NTM: variants seen among roughly 807,000 people sequenced by gnomAD.
NTM encodes IgLON family member 2.
A neutral mutation model predicts 42.1 loss-of-function variants in NTM; 13 were observed. That is an observed-to-expected ratio of 0.31 (90% CI 0.20 to 0.49). NTM has a LOEUF of 0.49. Among genes scored for constraint, NTM ranks in the 20% least tolerant of loss-of-function variants. The pLI is 0.99. For synonymous variants in NTM, 187 were observed against 179.2 expected (o/e 1.04, Z -0.35); for missense variants, 373 against 452.8 (o/e 0.82, Z 1.60).
chr11:132,334,336 A>G (rs1166459726), intron 8 of NTM, among the ~76,000 whole-genome samples: 1 of 152,174 alleles, frequency 6.6e-6, no homozygotes, highest in African/African-American at 2.4e-5. Context: ...ATTGATCTCC[A>G]GTTACATCCA....
chr11:131,855,748 C>T (rs1592299779), intron 1 of NTM, among the ~76,000 whole-genome samples: 2 of 152,092 alleles, frequency 1.3e-5, no homozygotes, highest in Admixed American at 6.6e-5. Context: ...TTACATTGCT[C>T]TTCGGATCCT....
intron 6 of NTM, among the ~76,000 whole-genome samples, chr11:132,313,635 C>T (rs1203364745): frequency 1.3e-5 from 2 of 152,168 alleles, no homozygotes; most frequent in Admixed American, 6.6e-5. Context: ...TATCCATGAT[C>T]GCCATAGGAA....
intron 2 of NTM, among the ~76,000 whole-genome samples, chr11:132,059,455 C>A (rs2080259041): frequency 6.6e-6 from 1 of 152,252 alleles, no homozygotes; most frequent in Non-Finnish European, 1.5e-5. Context: ...GCCTTAGGGA[C>A]TGTCTGTTGA....
At chr11:131,811,024 A>G (rs2092709450) in intron 1 of NTM, among the ~76,000 whole-genome samples, 1 of 152,262 alleles carries the variant, frequency 6.6e-6, no homozygotes, top group Admixed American at 6.5e-5. Context: ...TTAAAAAATC[A>G]GAACAGATTC....
chr11:132,012,354 A>C (rs2072396056), intron 2 of NTM, among the ~76,000 whole-genome samples: 1 of 152,226 alleles, frequency 6.6e-6, no homozygotes, highest in Non-Finnish European at 1.5e-5. Context: ...CTGTCTTGTC[A>C]TTCCCACTGT....
chr11:132,110,620 T>G (rs964057059), intron 2 of NTM, among the ~76,000 whole-genome samples: 7 of 152,196 alleles, frequency 4.6e-5, no homozygotes, highest in African/African-American at 1.4e-4. Context: ...TATTTGAAAA[T>G]TACATTAAAA....
chr11:132,246,084 C>T (rs1454939158), intron 4 of NTM, among the ~76,000 whole-genome samples: 1 of 152,192 alleles, frequency 6.6e-6, no homozygotes, highest in African/African-American at 2.4e-5. Context: ...GTCTCCTTGC[C>T]TTGGGCCCAC....
At chr11:132,196,500 T>C (rs2080237688) in intron 3 of NTM, among the ~76,000 whole-genome samples, 1 of 152,170 alleles carries the variant, frequency 6.6e-6, no homozygotes, top group Non-Finnish European at 1.5e-5. Flanking sequence ...CATATGTTTA[T>C]TGCGGCACTA....
intron 2 of NTM, among the ~76,000 whole-genome samples, chr11:131,975,963 C>A (rs1398201265): frequency 2.6e-5 from 4 of 152,108 alleles, no homozygotes; most frequent in Non-Finnish European, 5.9e-5. Flanking sequence ...GCAGCTCTGG[C>A]ATCAGAAGAG....
intron 3 of NTM, among the ~76,000 whole-genome samples, chr11:132,166,848 C>G (rs934202160): frequency 1.3e-5 from 2 of 152,142 alleles, no homozygotes. Context: ...TGGATCCTGC[C>G]TGCCTCACAA....
chr11:131,846,156 C>T (rs533140769), intron 1 of NTM, among the ~76,000 whole-genome samples: 12 of 152,236 alleles, frequency 7.9e-5, no homozygotes, highest in Admixed American at 5.2e-4. Flanking sequence ...TACTAGCAAG[C>T]GTCATTCCTG....
At chr11:131,897,080 T>C (rs2052414586) in intron 1 of NTM, 1 of 152,218 alleles carries the variant, frequency 6.6e-6, no homozygotes. Context: ...CGTTGCTGCG[T>C]CTCTAACCTC....
At chr11:131,390,938 C>A (rs1321136780) in intron 1 of NTM, among the ~76,000 whole-genome samples, 1 of 152,114 alleles carries the variant, frequency 6.6e-6, no homozygotes, top group African/African-American at 2.4e-5. Context: ...GGTGCTCACT[C>A]AGGGTTCGTA....
chr11:131,997,034 C>A (rs1268783960), intron 2 of NTM, among the ~76,000 whole-genome samples: 1 of 152,248 alleles, frequency 6.6e-6, no homozygotes, highest in Admixed American at 6.5e-5. Flanking sequence ...TGGTCAGCTT[C>A]ACCATGGCCT....
chr11:131,454,337 G>A (rs1237216923), intron 1 of NTM, among the ~76,000 whole-genome samples: 1 of 152,210 alleles, frequency 6.6e-6, no homozygotes, highest in African/African-American at 2.4e-5. Flanking sequence ...CACACACCCA[G>A]TGGAAGCTGT....
At chr11:131,689,651 C>T (rs1172261502) in intron 1 of NTM, among the ~76,000 whole-genome samples, 1 of 152,168 alleles carries the variant, frequency 6.6e-6, no homozygotes, top group African/African-American at 2.4e-5. Context: ...CCTCAGCAGC[C>T]TTCTGAGAGG....
chr11:131,541,759 G>C (rs1448155649), intron 1 of NTM, among the ~76,000 whole-genome samples: 1 of 152,194 alleles, frequency 6.6e-6, no homozygotes, highest in Non-Finnish European at 1.5e-5. Context: ...ATACCTACCT[G>C]CAGGGGTTGT....
intron 3 of NTM, among the ~76,000 whole-genome samples, chr11:132,166,309 T>C (rs1489404243): frequency 6.6e-6 from 1 of 152,188 alleles, no homozygotes; most frequent in Admixed American, 6.5e-5. Context: ...TCATGGTCTC[T>C]ATTAGTGAGA....
intron 1 of NTM, among the ~76,000 whole-genome samples, chr11:131,879,912 G>A (rs1376182595): frequency 6.6e-6 from 1 of 152,178 alleles, no homozygotes; most frequent in African/African-American, 2.4e-5. Flanking sequence ...AAAGTGGGGT[G>A]TTAGAAGTTT....
Sources: gnomAD v4.1 joint callset for allele counts (sites outside exome capture counted in the v4.1 genomes callset) on GRCh38, gnomAD v4.1.1 for gene constraint, MANE v1.5 for transcripts, NCBI Gene and HGNC (gene_info 2026-07-23, HGNC 2026-07-21) for gene names.